CTTNBP2: variants seen among roughly 807,000 people sequenced by gnomAD.
The protein encoded by CTTNBP2 is cortactin binding protein 2.
A neutral mutation model predicts 156.9 loss-of-function variants in CTTNBP2; 108 were observed. The ratio of observed to expected loss-of-function variants is 0.69; its 90% CI spans 0.59 to 0.81. The LOEUF (loss-of-function observed/expected upper bound fraction) is 0.81, where lower values mean the gene tolerates loss of function less well. Ranked by LOEUF, CTTNBP2 falls within the 30% of genes least tolerant of loss-of-function variation. CTTNBP2 has a pLI of 0.00. For synonymous variants in CTTNBP2, 767 were observed against 751.8 expected (o/e 1.02, Z -0.33); for missense variants, 1,924 against 2,035.4 (o/e 0.95, Z 1.05).
chr7:117,836,576 A>G (rs1269097082), intron 2 of CTTNBP2, among the ~76,000 whole-genome samples: 1 of 152,174 alleles, frequency 6.6e-6, no homozygotes, highest in Non-Finnish European at 1.5e-5. Context: ...AAAACAAAAC[A>G]AAACTGAAGA....
chr7:117,711,820 C>T (rs752263796), intron 22 of CTTNBP2, 38 bp from the exon 23 acceptor site: 7 of 1,584,426 alleles, frequency 4.4e-6, no homozygotes, highest in African/African-American at 2.7e-5. Flanking sequence ...TTATCACAAA[C>T]TTCTCCTGTT....
chr7:117,734,770 A>T lies in CTTNBP2; in HGVS notation c.3876+143T>A, dbSNP rs142648381. The stretch of plus-strand genomic sequence containing the variant: ...AGAAATTGTTATGGGTTTCACATTC[A>T]TTATGTTTTTTGGCCCTTGAATGTC... On this transcript the variant is annotated intron_variant, in intron 16 of 22. Coordinates refer to ENST00000160373, the MANE Select transcript of CTTNBP2 (RefSeq NM_033427.3). 1,145 of 538,842 alleles carry T rather than the reference A, an allele frequency of 2.1e-3. 5 individuals carry two copies. Among genetic ancestry groups the T allele is most frequent in the Admixed American group, 4.5e-3 (119 of 26,414 alleles). 33.4% of individuals were successfully genotyped at this position (538,842 alleles called of 1,614,324 possible).
At chr7:117,767,988 G>A (rs1797584562) in intron 8 of CTTNBP2, among the ~76,000 whole-genome samples, 1 of 151,916 alleles carries the variant, frequency 6.6e-6, no homozygotes, top group Non-Finnish European at 1.5e-5. Flanking sequence ...TGATTTGTTG[G>A]CTAATTTCCC....
intron 22 of CTTNBP2, 48 bp from the exon 23 acceptor site, chr7:117,711,830 TATG>T: frequency 6.4e-7 from 1 of 1,566,050 alleles, no homozygotes; most frequent in African/African-American, 1.4e-5. Flanking sequence ...CTTCTCCTGT[TATG>T]AGCCCTACCC....
chr7:117,851,254 A>C (rs1802912624), intron 2 of CTTNBP2, among the ~76,000 whole-genome samples: 1 of 152,134 alleles, frequency 6.6e-6, no homozygotes, highest in South Asian at 2.1e-4. Context: ...GAAAAAAAGA[A>C]AAGAAAATAG....
At chr7:117,742,743 A>G (rs1325171684) in intron 14 of CTTNBP2, among the ~76,000 whole-genome samples, 1 of 152,216 alleles carries the variant, frequency 6.6e-6, no homozygotes, top group Non-Finnish European at 1.5e-5. Context: ...CTGGGGTTCC[A>G]TGTGGTTCTC....
intron 9 of CTTNBP2, 106 bp from the exon 10 acceptor site, chr7:117,760,816 C>G: frequency 1.3e-6 from 1 of 761,486 alleles, no homozygotes; most frequent in Non-Finnish European, 2.1e-6. Context: ...AATTATAAAC[C>G]AAAGCTATTT....
intron 20 of CTTNBP2, among the ~76,000 whole-genome samples, chr7:117,720,722 T>G (rs1482355784): frequency 6.6e-6 from 1 of 152,174 alleles, no homozygotes; most frequent in African/African-American, 2.4e-5. Context: ...ATACTGTTTC[T>G]GTAAATCTGT....
At position 117,784,314 on chromosome 7, in the gene CTTNBP2, T is replaced by C. The variant is rs1798583501; in HGVS notation, c.2209A>G (p.Ile737Val). The C allele has an allele frequency of 1.9e-6, 3 of 1,613,996 alleles. No individual in the cohort carries two copies. The highest frequency in any genetic ancestry group is 2.5e-6 in the Non-Finnish European group (3 of 1,179,968). ...TGGCCATCTTCACAGGAGTAATTAA[T>C]GTCCAGTCCTTCTTCATTAAGCAGC... ...SMLLNEEGLD[I>V]NYSCEDGHSA... is the part of the protein sequence containing the mutation. The change falls in exon 5 of 23, where the codon ATT becomes GTT. Residue 737 changes from isoleucine to valine, a missense_variant. By Grantham distance (29) the Ile-to-Val change is conservative (BLOSUM62 3). Coordinates refer to ENST00000160373, the MANE Select transcript of CTTNBP2 (RefSeq NM_033427.3).
intron 2 of CTTNBP2, among the ~76,000 whole-genome samples, chr7:117,844,976 G>C (rs1802499356): frequency 6.6e-6 from 1 of 152,300 alleles, no homozygotes; most frequent in East Asian, 1.9e-4. Context: ...GTGAGTAAAA[G>C]CATTGAGAAA....
chr7:117,771,424 G>A (rs1415067642), intron 8 of CTTNBP2, among the ~76,000 whole-genome samples: 1 of 152,174 alleles, frequency 6.6e-6, no homozygotes, highest in Non-Finnish European at 1.5e-5. Context: ...CTGTTAACGT[G>A]GGAAATAACG....
chr7:117,777,584 G>A lies in CTTNBP2; in HGVS notation c.2705C>T (p.Pro902Leu), dbSNP rs773211857. 3 of 1,613,992 alleles carry A rather than the reference G, an allele frequency of 1.9e-6. No homozygotes were observed. The South Asian group carries it at 3.3e-5, about 18-fold the overall frequency. ...GTTGGCGTGGTTAATGAGGTCTGCA[G>A]GAACAACAGGCTTGGATATGCCTTC... Reference protein sequence around the residue: ...SPEGISKPVVPADLINHANRE... With the variant: ...SPEGISKPVVLADLINHANRE... Residue 902 changes from proline (P) to leucine (L), a missense_variant, in exon 8 of 23, where the codon CCT becomes CTT. Pro to Leu is a moderately conservative substitution (Grantham distance 98). Transcript: ENST00000160373.
chr7:117,721,286 T>C (rs950063643), intron 19 of CTTNBP2, among the ~76,000 whole-genome samples, 156 bp from the exon 20 acceptor site: 9 of 152,238 alleles, frequency 5.9e-5, no homozygotes, highest in African/African-American at 2.2e-4. Flanking sequence ...ACAGAGGCTC[T>C]GGGCATAGCC....
chr7:117,768,581 A>AAAAAAAAAAAAAAAAAG (rs1554419704), intron 8 of CTTNBP2, among the ~76,000 whole-genome samples: 2 of 99,112 alleles, frequency 2.0e-5, no homozygotes, highest in African/African-American at 4.8e-5. Context: ...AAAAAAAAAA[A>AAAAAAAAAAAAAAAAAG]AAAGAAAGAA....
At chr7:117,753,792 G>A (rs1796745545) in intron 12 of CTTNBP2, among the ~76,000 whole-genome samples, 1 of 152,144 alleles carries the variant, frequency 6.6e-6, no homozygotes, top group South Asian at 2.1e-4. Context: ...AGAGCATCAG[G>A]AAGAATATCT....
chr7:117,711,890 T>C (rs748668271), intron 22 of CTTNBP2, 108 bp from the exon 23 acceptor site: 27 of 1,094,878 alleles, frequency 2.5e-5, no homozygotes, highest in East Asian at 9.8e-5. Flanking sequence ...TCTAAAACTA[T>C]AGGTTCTCGT....
At position 117,775,904 on chromosome 7, in the gene CTTNBP2, A is replaced by C. The variant is rs1462264502; in HGVS notation, c.2778+1607T>G. On this transcript the variant is annotated intron_variant, in intron 8 of 22. Transcript: ENST00000160373. ...TCAAAGGGTAAAGTTGGGGAAACAAAACAACAAAACTACTGCTAACAAACA... is the reference window on the plus strand; with the variant it reads ...TCAAAGGGTAAAGTTGGGGAAACAACACAACAAAACTACTGCTAACAAACA... Among the ~76,000 whole-genome samples, 4 of 152,194 alleles carry C rather than the reference A, an allele frequency of 2.6e-5. No homozygotes were observed. In the East Asian group the frequency reaches 7.7e-4, roughly 29 times the overall value.
At chr7:117,725,567 G>C (rs957336011) in intron 17 of CTTNBP2, among the ~76,000 whole-genome samples, 21 of 152,152 alleles carry the variant, frequency 1.4e-4, no homozygotes, top group Admixed American at 2.6e-4. Flanking sequence ...TAAATTTAAA[G>C]ACTGAAAAAA....
intron 3 of CTTNBP2, among the ~76,000 whole-genome samples, chr7:117,804,510 A>G (rs10277715): frequency 0.24 from 37,166 of 152,098 alleles, 7,728 homozygotes; most frequent in African/African-American, 0.57. Flanking sequence ...GCAAAGACAC[A>G]GAATCAACCC....
Sources: gnomAD v4.1 joint callset for allele counts (sites outside exome capture counted in the v4.1 genomes callset) on GRCh38, gnomAD v4.1.1 for gene constraint, MANE v1.5 for transcripts, NCBI Gene and HGNC (gene_info 2026-07-23, HGNC 2026-07-21) for gene names.